ADK: variants seen among roughly 807,000 people sequenced by gnomAD.
The protein encoded by ADK is adenosine kinase, also known as N6,N6-dimethyladenosine kinase.
ADK carries 24 observed loss-of-function variants against 44.7 expected under a neutral mutation model. The observed-to-expected ratio is 0.54, with a 90% confidence interval of 0.39 to 0.76. ADK has a LOEUF of 0.76. Among genes scored for constraint, ADK ranks in the 30% least tolerant of loss-of-function variants. The pLI, the probability that ADK is intolerant of heterozygous loss-of-function variation, is 0.00. For missense variants in ADK, 321 were observed against 425.1 expected, an observed-to-expected ratio of 0.76 and a Z score of 2.15; for synonymous variants, 128 against 142.6, an observed-to-expected ratio of 0.90 and a Z score of 0.73.
In ADK at chr10:74,161,643, G is replaced by T. The variant is rs555013263; in HGVS notation, c.65+10300G>T. ...TGATCTTCCCTCTCAGCCTCCCAAAGTGCTGGGATTACAGGTGTGAGCAAC... is the reference window on the plus strand; with the variant it reads ...TGATCTTCCCTCTCAGCCTCCCAAATTGCTGGGATTACAGGTGTGAGCAAC... On this transcript the variant is annotated intron_variant, in intron 1 of 10. Coordinates refer to ENST00000539909, the MANE Select transcript of ADK (RefSeq NM_006721.4). 5.3e-5 allele frequency among the ~76,000 whole-genome samples: 8 copies of T among 151,786 alleles called. No homozygotes were observed. In the East Asian group the frequency reaches 1.6e-3, roughly 30 times the overall value.
At chr10:74,544,973 T>G (rs980122226) in intron 7 of ADK, among the ~76,000 whole-genome samples, 5 of 152,036 alleles carry the variant, frequency 3.3e-5, no homozygotes, top group Non-Finnish European at 7.4e-5. Flanking sequence ...CTCTTGAATA[T>G]CTCTCACCCA....
chr10:74,478,821 C>T (rs1846954789), intron 6 of ADK, among the ~76,000 whole-genome samples: 1 of 152,144 alleles, frequency 6.6e-6, no homozygotes, highest in South Asian at 2.1e-4. Flanking sequence ...CCCCATTCTC[C>T]ATCCTTATAA....
At chr10:74,245,847 T>A (rs1845396965) in intron 3 of ADK, among the ~76,000 whole-genome samples, 1 of 152,138 alleles carries the variant, frequency 6.6e-6, no homozygotes, top group Admixed American at 6.6e-5. Flanking sequence ...CACCTCAGCC[T>A]CCCAAAGTGG....
At chr10:74,214,628 A>G (rs577203261) in intron 2 of ADK, among the ~76,000 whole-genome samples, 16 of 152,390 alleles carry the variant, frequency 1.0e-4, no homozygotes, top group African/African-American at 3.8e-4. Flanking sequence ...CTTTCAAGGC[A>G]CTAAGCTCTG....
At chr10:74,208,719 AT>A (rs1005781074) in intron 2 of ADK, among the ~76,000 whole-genome samples, 1 of 151,478 alleles carries the variant, frequency 6.6e-6, no homozygotes, top group African/African-American at 2.4e-5. Context: ...GTATATATAT[AT>A]TTTTTATTTT....
chr10:74,295,202 C>A (rs1005300364), intron 3 of ADK, among the ~76,000 whole-genome samples: 1 of 151,974 alleles, frequency 6.6e-6, no homozygotes, highest in Non-Finnish European at 1.5e-5. Flanking sequence ...TGGCTCACAC[C>A]CGTAATCCCA....
intron 9 of ADK, among the ~76,000 whole-genome samples, chr10:74,619,984 A>G: frequency 6.6e-6 from 1 of 152,150 alleles, no homozygotes; most frequent in East Asian, 1.9e-4. Flanking sequence ...GGCCTCTCAA[A>G]TTGCTGGGAT....
intron 4 of ADK, among the ~76,000 whole-genome samples, chr10:74,322,654 T>C (rs1840856061): frequency 6.6e-6 from 1 of 152,122 alleles, no homozygotes; most frequent in African/African-American, 2.4e-5. Flanking sequence ...TTAGATCAGA[T>C]TCTTTAAAGA....
At chr10:74,567,019 T>C (rs549628112) in intron 7 of ADK, among the ~76,000 whole-genome samples, 1 of 152,326 alleles carries the variant, frequency 6.6e-6, no homozygotes, top group South Asian at 2.1e-4. Flanking sequence ...TAGAAAGTGT[T>C]ATTAGCCTCT....
chr10:74,598,440 C>CTTTTTTTTTTTTTTTT (rs367982701), intron 8 of ADK, among the ~76,000 whole-genome samples: 1 of 114,072 alleles, frequency 8.8e-6, no homozygotes, highest in African/African-American at 4.0e-5. Context: ...GAATCTTATT[C>CTTTTTTTTTTTTTTTT]CTTTTTTTTT....
chr10:74,452,811 C>T (rs1356835369), intron 6 of ADK, among the ~76,000 whole-genome samples: 1 of 151,872 alleles, frequency 6.6e-6, no homozygotes, highest in Non-Finnish European at 1.5e-5. Flanking sequence ...TTGCTTTCTG[C>T]CATAGAGTAT....
At chr10:74,619,999 G>A (rs189500025) in intron 9 of ADK, among the ~76,000 whole-genome samples, 1 of 152,212 alleles carries the variant, frequency 6.6e-6, no homozygotes, top group African/African-American at 2.4e-5. Flanking sequence ...TGGGATTATG[G>A]GCGTGAGCCA....
At chr10:74,600,629 T>G (rs1158619483) in intron 9 of ADK, 136 bp downstream of exon 9, 1 of 275,478 alleles carries the variant, frequency 3.6e-6, no homozygotes, top group East Asian at 8.4e-5. Flanking sequence ...TTTATTTTAA[T>G]AAATATTTCT....
chr10:74,363,628 A>G (rs1842410577), intron 4 of ADK, among the ~76,000 whole-genome samples: 2 of 151,480 alleles, frequency 1.3e-5, no homozygotes, highest in African/African-American at 4.9e-5. Context: ...TAGACCCTGT[A>G]GACAAGATAG....
At chr10:74,526,224 T>G (rs1849035555) in intron 7 of ADK, among the ~76,000 whole-genome samples, 1 of 152,132 alleles carries the variant, frequency 6.6e-6, no homozygotes, top group Non-Finnish European at 1.5e-5. Context: ...CTGTTATAGT[T>G]GAAGGTGATA....
At chr10:74,177,946 T>TATATATA (rs1554825917) in intron 1 of ADK, among the ~76,000 whole-genome samples, 67 of 32,252 alleles carry the variant, frequency 2.1e-3, no homozygotes, top group South Asian at 4.1e-3. Context: ...TATATATATA[T>TATATATA]TTTTTTTTTT....
At chr10:74,660,468 T>G (rs1043895870) in intron 9 of ADK, among the ~76,000 whole-genome samples, 1 of 152,172 alleles carries the variant, frequency 6.6e-6, no homozygotes. Flanking sequence ...CCTGGCACAG[T>G]GGCTCATGCC....
chr10:74,387,969 G>A (rs889955753), intron 4 of ADK, among the ~76,000 whole-genome samples: 2 of 151,694 alleles, frequency 1.3e-5, no homozygotes, highest in African/African-American at 2.4e-5. Flanking sequence ...ATGCAATGGC[G>A]CAATCTCGGC....
chr10:74,667,335 A>G (rs180848864), intron 9 of ADK, among the ~76,000 whole-genome samples: 6 of 152,052 alleles, frequency 3.9e-5, no homozygotes, highest in African/African-American at 1.4e-4. Flanking sequence ...TTATATACTT[A>G]TCTGTACTGA....
Sources: gnomAD v4.1 joint callset for allele counts (sites outside exome capture counted in the v4.1 genomes callset) on GRCh38, gnomAD v4.1.1 for gene constraint, MANE v1.5 for transcripts, NCBI Gene and HGNC (gene_info 2026-07-23, HGNC 2026-07-21) for gene names.